TET1: variants seen among roughly 807,000 people sequenced by gnomAD.
TET1 encodes methylcytosine dioxygenase TET1.
In TET1, 13 loss-of-function variants were observed where a neutral mutation model predicts 148.7. The ratio of observed to expected loss-of-function variants is 0.09; its 90% CI spans 0.06 to 0.14. The LOEUF (loss-of-function observed/expected upper bound fraction) is 0.14, where lower values mean the gene tolerates loss of function less well. Ranked by LOEUF, TET1 falls within the 10% of genes least tolerant of loss-of-function variation. TET1 has a pLI of 1.00. For synonymous variants in TET1, 907 were observed against 937.2 expected (o/e 0.97, Z 0.59); for missense variants, 2,182 against 2,553.8 (o/e 0.85, Z 3.14).
At chr10:68,659,693 T>C (rs1011566286) in intron 6 of TET1, among the ~76,000 whole-genome samples, 4 of 152,242 alleles carry the variant, frequency 2.6e-5, no homozygotes, top group Non-Finnish European at 4.4e-5. Context: ...ACTCTTTTTA[T>C]GTTAGTTTGT....
At chr10:68,676,335 G>A (rs1326848533) in intron 8 of TET1, among the ~76,000 whole-genome samples, 1 of 131,644 alleles carries the variant, frequency 7.6e-6, no homozygotes, top group Non-Finnish European at 1.5e-5. Context: ...CCAGGCTGGA[G>A]TGCAGTGGCG....
intron 1 of TET1, among the ~76,000 whole-genome samples, chr10:68,571,268 G>A (rs1198319142): frequency 6.6e-6 from 1 of 150,568 alleles, no homozygotes; most frequent in Non-Finnish European, 1.5e-5. Flanking sequence ...GGGATTACAG[G>A]CATGAGCCAC....
intron 8 of TET1, chr10:68,675,142 A>G (rs753976298): frequency 2.6e-5 from 10 of 381,910 alleles, no homozygotes; most frequent in Non-Finnish European, 4.7e-5. Flanking sequence ...ATAAAAAGTC[A>G]TATTTGTGGG....
intron 2 of TET1, among the ~76,000 whole-genome samples, chr10:68,588,712 G>A (rs2053886139): frequency 6.6e-6 from 1 of 151,974 alleles, no homozygotes; most frequent in Admixed American, 6.6e-5. Context: ...AAATCTTTGA[G>A]TTTGTCAATT....
chr10:68,588,390 T>C (rs1180670114), intron 2 of TET1, among the ~76,000 whole-genome samples: 1 of 152,224 alleles, frequency 6.6e-6, no homozygotes, highest in East Asian at 1.9e-4. Context: ...CTTTAATTTA[T>C]AAAGTAAGAC....
Position 68,678,715 on chromosome 10 carries a change from A to AAG in TET1, c.4825-2684_4825-2683insAG, listed in dbSNP as rs1554812287. On this transcript the variant is annotated intron_variant, in intron 8 of 11. Transcript: ENST00000373644. ...CAGTGAGCTGAGATCGCACCACTGC[A>AAG]CCCCCCCACACACAAAAAAAGAGTG... Among the ~76,000 whole-genome samples the AAG allele has an allele frequency of 2.6e-5, 4 of 151,902 alleles. No homozygotes were observed. In the South Asian group the frequency reaches 8.3e-4, roughly 32 times the overall value.
intron 2 of TET1, among the ~76,000 whole-genome samples, chr10:68,592,066 C>T (rs1026980465): frequency 6.6e-6 from 1 of 152,074 alleles, no homozygotes; most frequent in Non-Finnish European, 1.5e-5. Flanking sequence ...GCCTGTAATC[C>T]CAAAACTTTG....
At chr10:68,586,025 T>A (rs930273236) in intron 2 of TET1, among the ~76,000 whole-genome samples, 10 of 151,688 alleles carry the variant, frequency 6.6e-5, no homozygotes, top group African/African-American at 2.2e-4. Flanking sequence ...AAAAAATTTT[T>A]TTTTGAGATA....
chr10:68,620,569 T>C (rs562335237), intron 3 of TET1, among the ~76,000 whole-genome samples: 1 of 152,274 alleles, frequency 6.6e-6, no homozygotes, highest in Admixed American at 6.5e-5. Flanking sequence ...TGTTGGCCAT[T>C]TGTACACCAC....
Position 68,646,712 on chromosome 10 carries a change from A to C in TET1, c.3983A>C (p.Gln1328Pro), listed in dbSNP as rs1213489904. 1.9e-6 allele frequency: 3 copies of C among 1,614,062 alleles called. No individual in the cohort carries two copies. The highest frequency in any genetic ancestry group is 2.7e-5 in the African/African-American group (2 of 74,904). ...QIRFQQVVKE[Q>P]LMHQRLPTLP... ...CGGTTTCAGCAGGTTGTTAAGGAGC[A>C]ACTCATGCATCAGAGACTGCCAACA... The change falls in exon 4 of 12, where the codon CAA becomes CCA. Residue 1328 changes from glutamine to proline, a missense_variant. Around this residue, in one of 11 missense-constraint regions of TET1, gnomAD observed 582 missense variants for 599.5 expected, o/e 0.97. Coordinates refer to ENST00000373644, the MANE Select transcript of TET1 (RefSeq NM_030625.3).
rs2055432584 is a variant in TET1 at position 68,681,373 on chromosome 10, ACCTAAT to A, written c.4825-25_4825-20del. On this transcript the variant is annotated intron_variant, in intron 8 of 11. Coordinates refer to ENST00000373644, the MANE Select transcript of TET1 (RefSeq NM_030625.3). ...ACACATGAAGGTGCGATTATAAAAT[ACCTAAT>A]GGATTCTGTTTTCCTATAGGAAAAA... 6.7e-7 allele frequency: 1 copy of A among 1,497,076 alleles called. No individual in the cohort carries two copies. Among genetic ancestry groups the A allele is most frequent in the African/African-American group, 1.4e-5 (1 of 72,476 alleles). 92.7% of individuals were successfully genotyped at this position (1,497,076 alleles called of 1,614,324 possible).
At chr10:68,608,954 G>T (rs917762303) in intron 3 of TET1, among the ~76,000 whole-genome samples, 6 of 152,152 alleles carry the variant, frequency 3.9e-5, no homozygotes, top group African/African-American at 1.4e-4. Context: ...GCCTCCAAAA[G>T]TGTTGGAATT....
At chr10:68,658,008 AC>A (rs1223861047) in intron 6 of TET1, among the ~76,000 whole-genome samples, 2 of 152,164 alleles carry the variant, frequency 1.3e-5, no homozygotes, top group Non-Finnish European at 2.9e-5. Context: ...TCGAATATAC[AC>A]ATACAGCCAG....
intron 3 of TET1, among the ~76,000 whole-genome samples, chr10:68,639,971 A>G (rs1201806736): frequency 6.6e-6 from 1 of 152,186 alleles, no homozygotes; most frequent in East Asian, 1.9e-4. Flanking sequence ...CCTGTCGCCC[A>G]GGCTGGAGTG....
chr10:68,577,698 A>G (rs930857326), intron 2 of TET1, among the ~76,000 whole-genome samples: 4 of 152,114 alleles, frequency 2.6e-5, no homozygotes, highest in African/African-American at 9.6e-5. Context: ...AATCCCAGCT[A>G]CTCTGGAGGC....
intron 3 of TET1, among the ~76,000 whole-genome samples, chr10:68,622,189 C>CCTTCCTTCCTTA (rs2054382201): frequency 8.9e-6 from 1 of 112,952 alleles, no homozygotes; most frequent in Admixed American, 9.0e-5. Flanking sequence ...TTCCTTCCTT[C>CCTTCCTTCCTTA]CTTCCTTCCT....
intron 3 of TET1, among the ~76,000 whole-genome samples, chr10:68,614,546 C>G (rs529670800): frequency 6.6e-5 from 10 of 152,270 alleles, no homozygotes; most frequent in African/African-American, 2.4e-4. Context: ...GAGTCTTGCT[C>G]TGTTATCCAG....
chr10:68,650,573 G>A (rs899727421), intron 4 of TET1, among the ~76,000 whole-genome samples: 1 of 152,092 alleles, frequency 6.6e-6, no homozygotes, highest in Non-Finnish European at 1.5e-5. Flanking sequence ...GAAGATTGCA[G>A]TGAGCCAAGA....
intron 3 of TET1, among the ~76,000 whole-genome samples, chr10:68,602,045 G>A (rs150550913): frequency 6.6e-6 from 1 of 152,226 alleles, no homozygotes; most frequent in African/African-American, 2.4e-5. Context: ...ACCAAACCTT[G>A]CCCTGCTTTC....
Sources: allele counts gnomAD v4.1 joint callset (sites outside exome capture counted in the v4.1 genomes callset), GRCh38; gene constraint gnomAD v4.1.1; regional missense constraint gnomAD v4.1.1; transcripts MANE v1.5; gene names NCBI Gene and HGNC (gene_info 2026-07-23, HGNC 2026-07-21).